Variants in MED17 observed in about 807,000 individuals in gnomAD.
MED17 encodes the protein mediator complex subunit 17.
MED17 carries 49 observed loss-of-function variants against 80.8 expected under a neutral mutation model. The observed-to-expected ratio is 0.61, with a 90% confidence interval of 0.48 to 0.77. The LOEUF (loss-of-function observed/expected upper bound fraction) is 0.77, where lower values mean the gene tolerates loss of function less well. Ranked by LOEUF, MED17 falls within the 30% of genes least tolerant of loss-of-function variation. MED17 has a pLI of 0.00. For synonymous variants in MED17, 281 were observed against 280.4 expected (o/e 1.00, Z -0.02); for missense variants, 718 against 787.0 (o/e 0.91, Z 1.05).
Position 93,812,127 on chromosome 11 carries a change from A to ACTATAAGC in MED17, c.*64_*71dup. On this transcript the variant is annotated 3_prime_UTR_variant, in exon 12 of 12. Coordinates refer to ENST00000251871, the MANE Select transcript of MED17 (RefSeq NM_004268.5). ...TTTGACTTGAAATGTTTGCAGATCA[A>ACTATAAGC]CTATAAGCACAAAGAAGAGATAACT... 4.5e-6 allele frequency: 6 copies of ACTATAAGC among 1,347,164 alleles called. No homozygotes were observed. The highest frequency in any genetic ancestry group is 5.3e-6 in the Non-Finnish European group (5 of 938,272). The allele number at this position is 1,347,164 out of a possible 1,614,324, so 83.5% of individuals were successfully genotyped here. A position where few individuals can be genotyped will look rare whatever the true frequency, so the allele number is the denominator to read the frequency against.
At chr11:93,794,284 A>G in intron 5 of MED17, 1 of 369,904 alleles carries the variant, frequency 2.7e-6, no homozygotes, top group South Asian at 2.5e-5. Context: ...GGCTCACCGC[A>G]ACGTCTACCT....
intron 9 of MED17, among the ~76,000 whole-genome samples, chr11:93,803,999 G>GTGTATATATATATATA (rs1555034255): frequency 3.7e-5 from 1 of 27,130 alleles, no homozygotes; most frequent in African/African-American, 9.3e-5. Flanking sequence ...ATATGTGTGT[G>GTGTATATATATATATA]TATATATATA....
intron 8 of MED17, among the ~76,000 whole-genome samples, chr11:93,798,187 T>G (rs967847679): frequency 1.3e-5 from 2 of 152,216 alleles, no homozygotes; most frequent in Non-Finnish European, 2.9e-5. Context: ...AAAGAAGTTA[T>G]GCACCTTGCT....
chr11:93,794,096 C>A, intron 5 of MED17, 61 bp downstream of exon 5: 1 of 1,310,748 alleles, frequency 7.6e-7, no homozygotes, highest in Non-Finnish European at 1.1e-6. Context: ...TTAAAATAAA[C>A]TGAAGATAAA....
chr11:93,796,812 T>C, intron 7 of MED17: 1 of 420,350 alleles, frequency 2.4e-6, no homozygotes, highest in Non-Finnish European at 4.5e-6. Context: ...GGAAGGGTGA[T>C]TCTGACCGGG....
chr11:93,801,086 G>A (rs1943956889), intron 8 of MED17: 1 of 152,152 alleles, frequency 6.6e-6, no homozygotes, highest in Non-Finnish European at 1.5e-5. Flanking sequence ...CCAGGTTTTT[G>A]GCTCTGGATT....
At chr11:93,788,223 T>G (rs753192497) in intron 2 of MED17, 56 bp downstream of exon 2, 19 of 1,465,982 alleles carry the variant, frequency 1.3e-5, no homozygotes, top group South Asian at 3.6e-5. Context: ...CCCAGGACCC[T>G]TTTTTGGCTT....
At position 93,807,504 on chromosome 11, in the gene MED17, G is replaced by A. The variant is rs766007965; in HGVS notation, c.1467-14G>A. 2 of 1,362,230 alleles carry A rather than the reference G, an allele frequency of 1.5e-6. No homozygotes were observed. Among genetic ancestry groups the A allele is most frequent in the East Asian group, 2.3e-5 (1 of 43,656 alleles). 84.4% of individuals were successfully genotyped at this position (1,362,230 alleles called of 1,614,324 possible). On this transcript the variant is annotated splice_polypyrimidine_tract_variant and intron_variant, in intron 9 of 11. Coordinates refer to ENST00000251871, the MANE Select transcript of MED17 (RefSeq NM_004268.5). ...TTTGAACATCTCTGATTTTTAGTAT[G>A]TGTGTCTATAAAGGTCCATTCAACT...
intron 5 of MED17, 142 bp downstream of exon 5, chr11:93,794,177 A>G: frequency 1.5e-6 from 1 of 646,426 alleles, no homozygotes; most frequent in Non-Finnish European, 2.6e-6. Flanking sequence ...TTATCAATAA[A>G]CTATTAGTGA....
In MED17 at chr11:93,790,802, A is replaced by C; in HGVS notation, c.637+9A>C. ...GAGCTACAGAAGTGCAGGTATGAAT[A>C]ATTATTAAAAACTATACTTTCTGGC... On this transcript the variant is annotated intron_variant, in intron 3 of 11. Transcript: ENST00000251871. 1 of 1,611,032 alleles carries C rather than the reference A, an allele frequency of 6.2e-7. No individual in the cohort carries two copies. The highest frequency in any genetic ancestry group is 1.1e-5 in the South Asian group (1 of 90,954).
intron 3 of MED17, 127 bp from the exon 4 acceptor site, chr11:93,793,597 AACAT>A: frequency 1.4e-6 from 1 of 706,286 alleles, no homozygotes; most frequent in East Asian, 2.7e-5. Context: ...TTTCCCCCAA[AACAT>A]ATGTTTTTTA....
At chr11:93,809,663 G>T in intron 10 of MED17, 54 bp from the exon 11 acceptor site, 1 of 1,587,366 alleles carries the variant, frequency 6.3e-7, no homozygotes, top group Non-Finnish European at 8.6e-7. Context: ...GTGATGTTAA[G>T]TCACTGCAGA....
chr11:93,809,692 G>A lies in MED17; in HGVS notation c.1585-25G>A, dbSNP rs536517058. ...CTGCAGATATCTCTGCTGACTGTCAGTCAAGTGTCCTTTTTCATTCACAGA... is the reference window on the plus strand; with the variant it reads ...CTGCAGATATCTCTGCTGACTGTCAATCAAGTGTCCTTTTTCATTCACAGA... On this transcript the variant is annotated intron_variant, in intron 10 of 11. Coordinates refer to ENST00000251871, the MANE Select transcript of MED17 (RefSeq NM_004268.5). The A allele has an allele frequency of 4.8e-5, 78 of 1,613,906 alleles. No individual in the cohort carries two copies. In the Middle Eastern group the frequency reaches 5.0e-4, roughly 10 times the overall value.
chr11:93,809,172 G>A lies in MED17; in HGVS notation c.1585-545G>A, dbSNP rs1036174028. On this transcript the variant is annotated intron_variant, in intron 10 of 11. Transcript: ENST00000251871. ...TACAAGAACCCTAAGGGGGAGAGTC[G>A]TGTAGAACAGTCCATCTTGAGAAGC... 2.4e-5 allele frequency: 5 copies of A among 210,318 alleles called. No individual in the cohort carries two copies. In the East Asian group the frequency reaches 4.6e-4, roughly 19 times the overall value. 13.0% of individuals were successfully genotyped at this position (210,318 alleles called of 1,614,324 possible). A position where few individuals can be genotyped will look rare whatever the true frequency, so the allele number is the denominator to read the frequency against.
At chr11:93,785,742 C>G (rs535395919) in intron 1 of MED17, among the ~76,000 whole-genome samples, 1 of 152,274 alleles carries the variant, frequency 6.6e-6, no homozygotes, top group African/African-American at 2.4e-5. Context: ...CATGGTGGCT[C>G]ACACCTGTAG....
At chr11:93,806,923 C>T (rs1944031462) in intron 9 of MED17, 1 of 152,580 alleles carries the variant, frequency 6.6e-6, no homozygotes, top group South Asian at 2.1e-4. Flanking sequence ...CCAATTGGAT[C>T]TCATCTCCTT....
intron 2 of MED17, 188 bp from the exon 3 acceptor site, chr11:93,790,386 A>G (rs1442126242): frequency 2.1e-5 from 13 of 630,352 alleles, no homozygotes; most frequent in South Asian, 3.3e-5. Context: ...TTGGTTTAAC[A>G]TAAGTAAAGC....
Position 93,794,690 on chromosome 11 carries a change from G to C in MED17, c.860-218G>C. ...TTCCTCTTCAGGAATGAAAGATTGGGGTGGTGGGGAACTTCTCAATACCCT... is the reference window on the plus strand; with the variant it reads ...TTCCTCTTCAGGAATGAAAGATTGGCGTGGTGGGGAACTTCTCAATACCCT... On this transcript the variant is annotated intron_variant, in intron 5 of 11. Coordinates refer to ENST00000251871, the MANE Select transcript of MED17 (RefSeq NM_004268.5). 3 of 585,838 alleles carry C rather than the reference G, an allele frequency of 5.1e-6. No individual in the cohort carries two copies. The Admixed American group carries it at 9.1e-5, about 18-fold the overall frequency. 36.3% of individuals were successfully genotyped at this position (585,838 alleles called of 1,614,324 possible). A position where few individuals can be genotyped will look rare whatever the true frequency, so the allele number is the denominator to read the frequency against.
chr11:93,808,494 C>T (rs1944051545), intron 10 of MED17: 3 of 149,850 alleles, frequency 2.0e-5, no homozygotes, highest in Non-Finnish European at 4.4e-5. Context: ...TCCCTAATTT[C>T]TTCATGGAGT....
Sources: allele counts gnomAD v4.1 joint callset (sites outside exome capture counted in the v4.1 genomes callset), GRCh38; gene constraint gnomAD v4.1.1; transcripts MANE v1.5; gene names NCBI Gene and HGNC (gene_info 2026-07-23, HGNC 2026-07-21).